QTMAN: variants seen among roughly 807,000 people sequenced by gnomAD.
The protein encoded by QTMAN is tRNA-queuosine alpha-mannosyltransferase.
the QTMAN span, among the ~76,000 whole-genome samples, chr2:144,155,736 T>A: frequency 1.3e-5 from 2 of 152,154 alleles, no homozygotes; most frequent in Non-Finnish European, 2.9e-5. Context: ...CAGAAAACTC[T>A]CTTGAGGCGC....
the QTMAN span, among the ~76,000 whole-genome samples, chr2:143,982,338 C>G: frequency 6.6e-6 from 1 of 151,888 alleles, no homozygotes; most frequent in South Asian, 2.1e-4. Flanking sequence ...TCAAGCAATT[C>G]TCCTGTCTCA....
chr2:144,329,583 T>C, the QTMAN span, among the ~76,000 whole-genome samples: 4 of 152,238 alleles, frequency 2.6e-5, no homozygotes, highest in African/African-American at 9.6e-5. Flanking sequence ...TTGTATTATT[T>C]TAGCTCACCT....
At chr2:144,290,957 G>C in the QTMAN span, among the ~76,000 whole-genome samples, 2 of 152,170 alleles carry the variant, frequency 1.3e-5, no homozygotes, top group African/African-American at 4.8e-5. Context: ...CTGAAGGCTG[G>C]AAGTCAAAGA....
chr2:144,008,183 T>C, the QTMAN span, among the ~76,000 whole-genome samples: 1 of 152,050 alleles, frequency 6.6e-6, no homozygotes, highest in Non-Finnish European at 1.5e-5. Flanking sequence ...AGCCACATAA[T>C]ACAAATAGAG....
At chr2:144,023,781 C>G in the QTMAN span, among the ~76,000 whole-genome samples, 1 of 151,952 alleles carries the variant, frequency 6.6e-6, no homozygotes, top group African/African-American at 2.4e-5. Flanking sequence ...AAACTGTATA[C>G]CTTTAATCAT....
the QTMAN span, among the ~76,000 whole-genome samples, chr2:144,103,324 C>G: frequency 6.6e-6 from 1 of 152,214 alleles, no homozygotes; most frequent in Non-Finnish European, 1.5e-5. Flanking sequence ...GAGGGAGGAT[C>G]GCCATGTGAA....
the QTMAN span, among the ~76,000 whole-genome samples, chr2:143,980,225 C>T: frequency 6.6e-6 from 1 of 151,906 alleles, no homozygotes; most frequent in Admixed American, 6.6e-5. Context: ...TGTGTTGTTT[C>T]CCCCCGTGTC....
the QTMAN span, among the ~76,000 whole-genome samples, chr2:143,984,953 G>A: frequency 1.3e-5 from 2 of 152,106 alleles, no homozygotes; most frequent in Non-Finnish European, 2.9e-5. Flanking sequence ...CAAGAACTTG[G>A]GTACCAAGAG....
At chr2:144,087,605 A>G in the QTMAN span, among the ~76,000 whole-genome samples, 1 of 152,140 alleles carries the variant, frequency 6.6e-6, no homozygotes, top group Admixed American at 6.6e-5. Context: ...CACATCAAAA[A>G]GGATTTATAC....
At chr2:144,114,634 A>G in the QTMAN span, among the ~76,000 whole-genome samples, 3 of 152,322 alleles carry the variant, frequency 2.0e-5, no homozygotes, top group African/African-American at 7.2e-5. Flanking sequence ...TATAAATACA[A>G]AATTTGAGTT....
At chr2:144,076,092 C>CAA in the QTMAN span, among the ~76,000 whole-genome samples, 1 of 152,040 alleles carries the variant, frequency 6.6e-6, no homozygotes, top group African/African-American at 2.4e-5. Context: ...ACTAAAAATA[C>CAA]AAAAATTAGC....
chr2:144,329,066 C>G, the QTMAN span, among the ~76,000 whole-genome samples: 5 of 151,698 alleles, frequency 3.3e-5, no homozygotes, highest in African/African-American at 4.8e-5. Context: ...ATGGTGAAAC[C>G]CCATCAGTAC....
chr2:144,142,616 TA>T, the QTMAN span, among the ~76,000 whole-genome samples: 2 of 151,998 alleles, frequency 1.3e-5, no homozygotes, highest in Non-Finnish European at 2.9e-5. Flanking sequence ...GTTAAGTTTT[TA>T]AAAGTTCTGG....
the QTMAN span, among the ~76,000 whole-genome samples, chr2:144,062,274 T>C: frequency 1.3e-5 from 2 of 152,164 alleles, no homozygotes; most frequent in African/African-American, 4.8e-5. Context: ...CGTAAGGCGT[T>C]TGAGCACACA....
the QTMAN span, chr2:143,939,112 T>A: frequency 1.3e-5 from 2 of 152,228 alleles, no homozygotes; most frequent in Non-Finnish European, 2.9e-5. Flanking sequence ...CATCTAGTCT[T>A]TCTGTGGTTT....
the QTMAN span, among the ~76,000 whole-genome samples, chr2:144,291,994 T>C: frequency 6.6e-6 from 1 of 152,228 alleles, no homozygotes; most frequent in African/African-American, 2.4e-5. Flanking sequence ...ACATTTGGTT[T>C]GAATTCTAGC....
chr2:144,242,586 T>C, the QTMAN span, among the ~76,000 whole-genome samples: 3 of 152,316 alleles, frequency 2.0e-5, no homozygotes, highest in Admixed American at 1.3e-4. Flanking sequence ...AAGGCCACTA[T>C]AGACAGACCA....
the QTMAN span, among the ~76,000 whole-genome samples, chr2:144,205,395 A>G: frequency 1.6e-4 from 24 of 152,218 alleles, no homozygotes; most frequent in African/African-American, 5.5e-4. Context: ...TGCTGGAAGA[A>G]CTCCCAGAAG....
chr2:144,053,198 A>T, the QTMAN span, among the ~76,000 whole-genome samples: 1 of 152,258 alleles, frequency 6.6e-6, no homozygotes, highest in Non-Finnish European at 1.5e-5. Context: ...AACTACCCAT[A>T]GTACTATTTC....
Sources: allele counts gnomAD v4.1 joint callset (sites outside exome capture counted in the v4.1 genomes callset), GRCh38; gene constraint gnomAD v4.1.1; transcripts MANE v1.5; gene names NCBI Gene and HGNC (gene_info 2026-07-23, HGNC 2026-07-21).